MFSD11: variants seen among roughly 807,000 people sequenced by gnomAD.
MFSD11 encodes the protein UNC93-like protein MFSD11.
In MFSD11, 36 loss-of-function variants were observed where a neutral mutation model predicts 53.5. The observed-to-expected ratio is 0.67, with a 90% confidence interval of 0.52 to 0.89. The LOEUF (loss-of-function observed/expected upper bound fraction) is 0.89. MFSD11 is among the 40% of genes least tolerant of loss of function. The pLI is 0.00. For synonymous variants in MFSD11, 186 were observed against 184.9 expected, an observed-to-expected ratio of 1.01 and a Z score of -0.05; for missense variants, 530 against 543.9, an observed-to-expected ratio of 0.97 and a Z score of 0.25.
chr17:76,783,295 G>A (rs1245379612), downstream of MFSD11, among the ~76,000 whole-genome samples: 1 of 152,114 alleles, frequency 6.6e-6, no homozygotes, highest in Non-Finnish European at 1.5e-5. Flanking sequence ...GTTTGTTTGT[G>A]TGTGTGGATG....
chr17:76,753,909 A>G (rs897760640), intron 7 of MFSD11, 138 bp from the exon 8 acceptor site: 10 of 636,714 alleles, frequency 1.6e-5, no homozygotes, highest in Non-Finnish European at 2.7e-5. Context: ...TGAGGCAAGG[A>G]GCATTCGAGT....
At chr17:76,738,089 G>T, upstream of MFSD11, 1 of 485,784 alleles carries the variant, frequency 2.1e-6, no homozygotes, top group Non-Finnish European at 3.6e-6. Flanking sequence ...AACCTGGAGC[G>T]GATAAATTCT....
intron 10 of MFSD11, among the ~76,000 whole-genome samples, chr17:76,770,629 C>T (rs1598742369): frequency 6.6e-6 from 1 of 152,210 alleles, no homozygotes; most frequent in Non-Finnish European, 1.5e-5. Context: ...AGGCACACCT[C>T]TCTGACTTGG....
At chr17:76,755,410 C>T (rs931636938) in intron 8 of MFSD11, among the ~76,000 whole-genome samples, 54 of 152,166 alleles carry the variant, frequency 3.5e-4, no homozygotes, top group African/African-American at 1.3e-3. Flanking sequence ...AAGAAGAGAG[C>T]AGCCTTTTGA....
chr17:76,737,238 C>G (rs1245136006), upstream of MFSD11: 1 of 1,457,244 alleles, frequency 6.9e-7, no homozygotes, highest in East Asian at 2.5e-5. Flanking sequence ...CCGCGCCTCT[C>G]AGGCAGTTGC....
At chr17:76,744,510 G>C (rs754527255) in intron 7 of MFSD11, 44 bp downstream of exon 7, 1 of 1,563,254 alleles carries the variant, frequency 6.4e-7, no homozygotes, top group Non-Finnish European at 8.7e-7. Context: ...AATAGATTTT[G>C]AGTAGATCTA....
chr17:76,801,648 G>A, the MFSD11 span, among the ~76,000 whole-genome samples: 5 of 152,120 alleles, frequency 3.3e-5, no homozygotes, highest in East Asian at 9.8e-4. Context: ...ATTTCACCAT[G>A]TTGACCAGGC....
chr17:76,758,394 G>A (rs1315200840), intron 8 of MFSD11, among the ~76,000 whole-genome samples: 1 of 151,874 alleles, frequency 6.6e-6, no homozygotes, highest in East Asian at 1.9e-4. Flanking sequence ...AGTAGTCTGG[G>A]CAACATGATG....
At chr17:76,769,155 T>A (rs1282152711) in intron 9 of MFSD11, 1 of 152,304 alleles carries the variant, frequency 6.6e-6, no homozygotes, top group Non-Finnish European at 1.5e-5. Context: ...TCATTTGAGT[T>A]GTATACTTTT....
At position 76,776,736 on chromosome 17, in the gene MFSD11, G is replaced by T. The variant is rs1472994456; in HGVS notation, c.1185+195G>T. ...ACTCGCTGCAACCTCCGCCTCCCGG[G>T]TTCAAGCAATTCTCCTGCCTTAGCC... On this transcript the variant is annotated intron_variant, in intron 12 of 12. Coordinates refer to ENST00000685175, the MANE Select transcript of MFSD11 (RefSeq NM_001242532.5). This position sits in a 1 kb window ranked among gnomAD's most constrained non-coding sequence, Gnocchi z 4.2. Among the ~76,000 whole-genome samples, 1 of 152,060 alleles carries T rather than the reference G, an allele frequency of 6.6e-6. No homozygotes were observed. The highest frequency in any genetic ancestry group is 1.5e-5 in the Non-Finnish European group (1 of 68,010).
chr17:76,777,385 T>C (rs1242183663), intron 12 of MFSD11, among the ~76,000 whole-genome samples: 1 of 152,084 alleles, frequency 6.6e-6, no homozygotes, highest in Non-Finnish European at 1.5e-5. Context: ...AGGAGTGCAC[T>C]ACCATGTTCA....
At chr17:76,788,516 C>T in the MFSD11 span, among the ~76,000 whole-genome samples, 4 of 148,946 alleles carry the variant, frequency 2.7e-5, 1 homozygote, top group African/African-American at 9.8e-5. Context: ...CAGGTGCCTG[C>T]CACCACGCCC....
At chr17:76,767,059 G>A (rs2080911917) in intron 8 of MFSD11, 1 of 220,338 alleles carries the variant, frequency 4.5e-6, no homozygotes, top group Non-Finnish European at 8.9e-6. Context: ...ACTCTCTCAA[G>A]AGCCTAACGG....
At position 76,738,441 on chromosome 17, in the gene MFSD11, A is replaced by G. The variant is rs761400589; in HGVS notation, c.89A>G (p.Asn30Ser). 1.2e-6 allele frequency: 2 copies of G among 1,612,856 alleles called. No individual in the cohort carries two copies. The highest frequency in any genetic ancestry group is 2.7e-5 in the African/African-American group (2 of 74,936). The part of the protein sequence containing the change: ...FMFTAFQTCG[N>S]VAQTVIRSLN... Reference sequence around the variant, plus strand: ...TTCACTGCCTTTCAAACTTGTGGAAATGTGGCGGTGAGTTGGAATCTGTCC... The same window carrying G: ...TTCACTGCCTTTCAAACTTGTGGAAGTGTGGCGGTGAGTTGGAATCTGTCC... Residue 30 changes from asparagine to serine, a missense_variant, in exon 1 of 13, where the codon AAT becomes AGT. Transcript: ENST00000685175.
intron 2 of MFSD11, among the ~76,000 whole-genome samples, chr17:76,740,152 C>T (rs1457811718): frequency 3.1e-5 from 4 of 127,048 alleles, no homozygotes; most frequent in Non-Finnish European, 6.3e-5. Flanking sequence ...CCAGCCTGGG[C>T]GACAGAGCGA....
At chr17:76,753,538 TGGG>T (rs2079261123) in intron 7 of MFSD11, among the ~76,000 whole-genome samples, 1 of 151,560 alleles carries the variant, frequency 6.6e-6, no homozygotes, top group Non-Finnish European at 1.5e-5. Context: ...CTGGGTGTGG[TGGG>T]ACCCACCTGT....
At chr17:76,754,207 A>T (rs746268888) in intron 8 of MFSD11, 120 bp downstream of exon 8, 11 of 718,054 alleles carry the variant, frequency 1.5e-5, no homozygotes, top group Non-Finnish European at 2.7e-5. Flanking sequence ...TTTTCCAGGT[A>T]TGCTGCTCTG....
chr17:76,748,082 G>A (rs1247499776), intron 7 of MFSD11: 1 of 136,520 alleles, frequency 7.3e-6, no homozygotes, highest in African/African-American at 2.7e-5. Flanking sequence ...GGAAGACTGT[G>A]AAAGAGGGGG....
chr17:76,741,849 CG>C, intron 3 of MFSD11, 119 bp from the exon 4 acceptor site: 1 of 1,475,246 alleles, frequency 6.8e-7, no homozygotes, highest in Non-Finnish European at 9.2e-7. Flanking sequence ...AAAACTGGAG[CG>C]ATCCTTTACA....
Sources: gnomAD v4.1 joint callset for allele counts (sites outside exome capture counted in the v4.1 genomes callset) on GRCh38, gnomAD v4.1.1 for gene constraint, Gnocchi (gnomAD v3.1) non-coding constraint, MANE v1.5 for transcripts, NCBI Gene and HGNC (gene_info 2026-07-23, HGNC 2026-07-21) for gene names.